Variants in RBFOX1 observed in about 807,000 individuals in gnomAD.
The protein encoded by RBFOX1 is RNA binding protein fox-1 homolog 1.
A neutral mutation model predicts 57.7 loss-of-function variants in RBFOX1; 8 were observed. The observed-to-expected ratio is 0.14, with a 90% confidence interval of 0.08 to 0.25. RBFOX1 has a LOEUF of 0.25. Ranked by LOEUF, RBFOX1 falls within the 10% of genes least tolerant of loss-of-function variation. RBFOX1 has a pLI of 1.00. For missense variants in RBFOX1, 611 were observed against 548.5 expected (o/e 1.11, Z -1.14); for synonymous variants, 326 against 222.4 (o/e 1.47, Z -4.15).
intron 1 of RBFOX1, among the ~76,000 whole-genome samples, chr16:5,451,888 G>T (rs1169846025): frequency 6.6e-6 from 1 of 152,084 alleles, no homozygotes; most frequent in Non-Finnish European, 1.5e-5. Flanking sequence ...GATGTGTTCT[G>T]ATACCTACCT....
intron 3 of RBFOX1, among the ~76,000 whole-genome samples, chr16:5,663,834 C>T (rs1002648377): frequency 6.6e-6 from 1 of 152,174 alleles, no homozygotes; most frequent in African/African-American, 2.4e-5. Context: ...CAAAAGGCAG[C>T]TGTGCATTTT....
intron 1 of RBFOX1, among the ~76,000 whole-genome samples, chr16:6,292,471 G>C (rs754005594): frequency 6.6e-6 from 1 of 151,586 alleles, no homozygotes; most frequent in Non-Finnish European, 1.5e-5. Context: ...CAATAATTCA[G>C]TGTCAAATAC....
At chr16:7,158,647 G>C (rs984573092) in intron 4 of RBFOX1, among the ~76,000 whole-genome samples, 4 of 151,800 alleles carry the variant, frequency 2.6e-5, no homozygotes, top group African/African-American at 9.7e-5. Flanking sequence ...GTTTTGTGGT[G>C]TGTCTATGGT....
At chr16:6,863,766 A>T (rs538972245) in intron 3 of RBFOX1, among the ~76,000 whole-genome samples, 1 of 98,626 alleles carries the variant, frequency 1.0e-5, no homozygotes, top group Admixed American at 1.1e-4. Context: ...AAAACCAAAT[A>T]CAACCTTACA....
intron 2 of RBFOX1, among the ~76,000 whole-genome samples, chr16:6,339,511 A>G (rs565237511): frequency 8.5e-5 from 13 of 152,288 alleles, no homozygotes; most frequent in African/African-American, 3.1e-4. Flanking sequence ...CAAAGAGGTC[A>G]TCGTAAAGTC....
At chr16:5,335,650 G>A (rs909088863) in intron 1 of RBFOX1, among the ~76,000 whole-genome samples, 3 of 152,132 alleles carry the variant, frequency 2.0e-5, no homozygotes, top group Non-Finnish European at 2.9e-5. Flanking sequence ...TATTAATGTT[G>A]GTTTTTTGTG....
chr16:6,895,441 T>C (rs2066565360), intron 3 of RBFOX1, among the ~76,000 whole-genome samples: 1 of 92,678 alleles, frequency 1.1e-5, no homozygotes. Flanking sequence ...TGTGTGTGTG[T>C]GTGTGTGTAT....
intron 1 of RBFOX1, among the ~76,000 whole-genome samples, chr16:5,464,466 C>G (rs972374984): frequency 6.6e-6 from 1 of 152,224 alleles, no homozygotes. Context: ...GGAGAGCATT[C>G]TAGTTGTGGA....
intron 2 of RBFOX1, among the ~76,000 whole-genome samples, chr16:6,487,517 A>G (rs2095511693): frequency 6.6e-6 from 1 of 151,452 alleles, no homozygotes; most frequent in Admixed American, 6.6e-5. Flanking sequence ...TTGGGTTTAA[A>G]AGAAAAGAGC....
intron 2 of RBFOX1, among the ~76,000 whole-genome samples, chr16:5,574,345 T>C (rs540387691): frequency 2.0e-5 from 3 of 152,370 alleles, no homozygotes; most frequent in Middle Eastern, 6.8e-3. Flanking sequence ...TATAGGTTAC[T>C]GATTCTCATC....
At chr16:6,489,752 C>G (rs1291599294) in intron 2 of RBFOX1, among the ~76,000 whole-genome samples, 3 of 152,120 alleles carry the variant, frequency 2.0e-5, no homozygotes, top group African/African-American at 7.2e-5. Context: ...TTTAAATACT[C>G]CTGCAGATGC....
intron 4 of RBFOX1, among the ~76,000 whole-genome samples, chr16:7,445,752 G>A (rs2098803027): frequency 2.0e-5 from 3 of 152,084 alleles, no homozygotes; most frequent in Admixed American, 6.6e-5. Context: ...CTTTTCACGC[G>A]GGTGACGTTT....
intron 3 of RBFOX1, among the ~76,000 whole-genome samples, chr16:5,851,651 A>C (rs751176892): frequency 1.3e-5 from 2 of 152,138 alleles, no homozygotes; most frequent in African/African-American, 2.4e-5. Context: ...GCGAAACATA[A>C]ATTATGTCAT....
chr16:6,899,163 T>C (rs1472773877), intron 3 of RBFOX1, among the ~76,000 whole-genome samples: 2 of 143,176 alleles, frequency 1.4e-5, no homozygotes, highest in Non-Finnish European at 3.1e-5. Context: ...GTATGTAACA[T>C]GTGTATGTGT....
intron 3 of RBFOX1, among the ~76,000 whole-genome samples, chr16:5,778,778 A>G (rs1030956057): frequency 2.6e-5 from 4 of 151,798 alleles, no homozygotes; most frequent in African/African-American, 9.7e-5. Context: ...TCTAACTCCC[A>G]CCCCTCAGCC....
intron 4 of RBFOX1, among the ~76,000 whole-genome samples, chr16:7,245,330 T>G (rs2094246214): frequency 6.6e-6 from 1 of 152,212 alleles, no homozygotes; most frequent in South Asian, 2.1e-4. Context: ...TTTTTAAATT[T>G]TATTTTAGGT....
intron 3 of RBFOX1, among the ~76,000 whole-genome samples, chr16:7,002,389 A>T (rs1308202836): frequency 1.3e-5 from 2 of 152,202 alleles, no homozygotes; most frequent in Admixed American, 1.3e-4. Context: ...TTTTCTGTTT[A>T]TCCAGCAAGA....
chr16:6,106,822 C>T (rs569669299), intron 1 of RBFOX1, among the ~76,000 whole-genome samples: 59 of 152,184 alleles, frequency 3.9e-4, no homozygotes, highest in African/African-American at 1.3e-3. Flanking sequence ...TGCCCATCAC[C>T]ATGCCTGGCT....
intron 2 of RBFOX1, among the ~76,000 whole-genome samples, chr16:6,381,035 G>A (rs1473479295): frequency 6.6e-6 from 1 of 152,282 alleles, no homozygotes; most frequent in African/African-American, 2.4e-5. Flanking sequence ...AAGTATTTTA[G>A]GGGGCAGGTC....
Sources: gnomAD v4.1 joint callset for allele counts (sites outside exome capture counted in the v4.1 genomes callset) on GRCh38, gnomAD v4.1.1 for gene constraint, MANE v1.5 for transcripts, NCBI Gene and HGNC (gene_info 2026-07-23, HGNC 2026-07-21) for gene names.